Variants in VPS13C observed in about 807,000 individuals in gnomAD.
VPS13C encodes intermembrane lipid transfer protein VPS13C.
VPS13C carries 358 observed loss-of-function variants against 456.8 expected under a neutral mutation model. That is an observed-to-expected ratio of 0.78 (90% CI 0.72 to 0.86). The LOEUF (loss-of-function observed/expected upper bound fraction) is 0.86, where lower values mean the gene tolerates loss of function less well. Ranked by LOEUF, VPS13C falls within the 40% of genes least tolerant of loss-of-function variation. VPS13C has a pLI of 0.00. For missense variants in VPS13C, 4,818 were observed against 4,385.4 expected (o/e 1.10, Z -2.79); for synonymous variants, 1,578 against 1,486.7 (o/e 1.06, Z -1.41).
rs200187332 is a variant in VPS13C, at chr15:61,911,802, A to G, written c.8715+38T>C. ...TATTTAGATGTCAATATTTATTTGT[A>G]TATTTTAGGAATCAGTTGTAACAAA... is the stretch of plus-strand genomic sequence containing the variant. On this transcript the variant is annotated intron_variant, in intron 63 of 84. Transcript: ENST00000644861. 4.1e-3 allele frequency: 6,128 copies of G among 1,502,588 alleles called. 20 individuals are homozygous for G. Among genetic ancestry groups the G allele is most frequent in the Non-Finnish European group, 4.9e-3 (5,448 of 1,118,308 alleles). The allele number at this position is 1,502,588 out of a possible 1,614,324, so 93.1% of individuals were successfully genotyped here. A position where few individuals can be genotyped will look rare whatever the true frequency, so the allele number is the denominator to read the frequency against.
chr15:61,970,571 G>C (rs28720854), intron 27 of VPS13C, among the ~76,000 whole-genome samples: 8,666 of 152,142 alleles, frequency 0.057, 474 homozygotes, highest in African/African-American at 0.13. Flanking sequence ...CAAGGCAGGC[G>C]GATCACTTGA....
chr15:61,863,302 A>G (rs1894325510), intron 82 of VPS13C, 138 bp downstream of exon 82: 2 of 615,344 alleles, frequency 3.3e-6, no homozygotes, highest in Non-Finnish European at 2.8e-6. Flanking sequence ...TTGTGATTCT[A>G]TGAAAATGAA....
chr15:61,957,126 A>G (rs1056278315), intron 37 of VPS13C, among the ~76,000 whole-genome samples: 5 of 152,184 alleles, frequency 3.3e-5, no homozygotes, highest in African/African-American at 1.2e-4. Context: ...AAATAAAAAG[A>G]ACAAACTACT....
chr15:61,971,771 G>C (rs2045563952), intron 27 of VPS13C, among the ~76,000 whole-genome samples: 1 of 152,178 alleles, frequency 6.6e-6, no homozygotes, highest in Non-Finnish European at 1.5e-5. Flanking sequence ...ATGTAGTATG[G>C]AGAAAGAGAG....
At position 61,874,001 on chromosome 15, in the gene VPS13C, A is replaced by T. The variant is rs141810037; in HGVS notation, c.10415-592T>A. Among the ~76,000 whole-genome samples the T allele has an allele frequency of 3.9e-3, 595 of 151,248 alleles. 4 individuals are homozygous for T. Among genetic ancestry groups the T allele is most frequent in the African/African-American group, 0.014 (560 of 41,254 alleles). ...ACAAACAGAATACTACTCAGGCATT[A>T]AAAAAAATGAAAACCGGTCATTCAC... On this transcript the variant is annotated intron_variant, in intron 77 of 84. Transcript: ENST00000644861.
At chr15:61,916,151 G>T in intron 60 of VPS13C, 129 bp from the exon 61 acceptor site, 1 of 1,072,066 alleles carries the variant, frequency 9.3e-7, no homozygotes, top group Non-Finnish European at 1.3e-6. Flanking sequence ...GAAGTACCAT[G>T]CTTACATATT....
Position 61,951,883 on chromosome 15 carries a change from T to C in VPS13C, c.4397A>G (p.Tyr1466Cys), listed in dbSNP as rs2044808201. Residue 1466 changes from tyrosine to cysteine, a missense_variant, in exon 39 of 85, where the codon TAT becomes TGT. Transcript: ENST00000644861. ...TAGATAAGCTTTAGCAGTCATGTCATAGGTTTTAACTTTAGCTTCCATTCC... is the reference window on the plus strand; with the variant it reads ...TAGATAAGCTTTAGCAGTCATGTCACAGGTTTTAACTTTAGCTTCCATTCC... ...QLGMEAKVKT[Y>C]DMTAKAYLKK... 2 of 1,613,914 alleles carry C rather than the reference T, an allele frequency of 1.2e-6. No individual in the cohort carries two copies. The highest frequency in any genetic ancestry group is 1.3e-5 in the African/African-American group (1 of 75,050).
At chr15:61,868,634 C>G (rs372498084) in intron 81 of VPS13C, 25 bp downstream of exon 81, 2 of 1,598,484 alleles carry the variant, frequency 1.3e-6, no homozygotes, top group African/African-American at 2.7e-5. Context: ...CCATTTCACT[C>G]GTGACCATGA....
rs754374684 is a variant in VPS13C at position 61,915,651 on chromosome 15, G to A, written c.8427C>T (p.Asn2809=). 6.3e-7 allele frequency: 1 copy of A among 1,595,680 alleles called. No homozygotes were observed. The highest frequency in any genetic ancestry group is 1.4e-5 in the African/African-American group (1 of 73,756). Residue 2809 remains asparagine (N), a synonymous_variant, in exon 61 of 85, where the codon AAC becomes AAT. Coordinates refer to ENST00000644861, the MANE Select transcript of VPS13C (RefSeq NM_020821.3). The part of the protein sequence containing the change: ...DIILFSFKKK[N]IFTKNKVQLK... ...ACCACACCTTATTTTTAGTAAAAATGTTCTTCTTCTTGAAAGAAAATAAAA... is the reference window on the plus strand; with the variant it reads ...ACCACACCTTATTTTTAGTAAAAATATTCTTCTTCTTGAAAGAAAATAAAA...
chr15:61,873,959 T>TACACACAC (rs67985179), intron 77 of VPS13C, among the ~76,000 whole-genome samples: 244 of 149,844 alleles, frequency 1.6e-3, no homozygotes, highest in African/African-American at 5.5e-3. Context: ...GAAAATGTGA[T>TACACACAC]ACACACACAC....
chr15:61,960,266 G>A (rs907946801), intron 35 of VPS13C, among the ~76,000 whole-genome samples: 5 of 152,142 alleles, frequency 3.3e-5, no homozygotes, highest in Non-Finnish European at 4.4e-5. Flanking sequence ...CAAAACTACA[G>A]TAGTAGTCAT....
chr15:62,016,856 C>T (rs575515938), intron 9 of VPS13C, among the ~76,000 whole-genome samples: 1 of 152,148 alleles, frequency 6.6e-6, no homozygotes, highest in African/African-American at 2.4e-5. Flanking sequence ...CACTGTCTTC[C>T]ACAATGGTTG....
At chr15:62,037,343 ATATAT>A (rs1224783579) in intron 3 of VPS13C, among the ~76,000 whole-genome samples, 15 of 83,796 alleles carry the variant, frequency 1.8e-4, no homozygotes, top group African/African-American at 5.7e-4. Context: ...TTTATATATA[ATATAT>A]TATATATAAA....
chr15:61,935,371 G>A (rs569319933), intron 48 of VPS13C: 4 of 152,270 alleles, frequency 2.6e-5, no homozygotes, highest in Admixed American at 1.3e-4. Flanking sequence ...CAAATACTGC[G>A]TAACTTTAAC....
chr15:61,990,694 C>A (rs2046197903), intron 18 of VPS13C, among the ~76,000 whole-genome samples: 1 of 151,930 alleles, frequency 6.6e-6, no homozygotes, highest in African/African-American at 2.4e-5. Flanking sequence ...GCCTGTAATC[C>A]CAGCTACTCA....
At position 61,967,589 on chromosome 15, in the gene VPS13C, C is replaced by A. The variant is rs568511744; in HGVS notation, c.2912-142G>T. 3 of 625,082 alleles carry A rather than the reference C, an allele frequency of 4.8e-6. No homozygotes were observed. In the Admixed American group the frequency reaches 1.0e-4, roughly 21 times the overall value. 38.7% of individuals were successfully genotyped at this position (625,082 alleles called of 1,614,324 possible). On this transcript the variant is annotated intron_variant, in intron 28 of 84. Coordinates refer to ENST00000644861, the MANE Select transcript of VPS13C (RefSeq NM_020821.3). ...TTGTCATAGCTATTAAATACAAAGG[C>A]CATCACTGTTGAAGAAATTAACCAA...
chr15:62,007,518 A>C, intron 14 of VPS13C, 39 bp from the exon 15 acceptor site: 1 of 1,474,966 alleles, frequency 6.8e-7, no homozygotes, highest in African/African-American at 1.4e-5. Context: ...GTTAATATAA[A>C]GGTTTAAGAG....
chr15:61,993,684 T>C (rs1018805441), intron 16 of VPS13C, among the ~76,000 whole-genome samples: 6 of 152,030 alleles, frequency 3.9e-5, no homozygotes, highest in African/African-American at 9.7e-5. Context: ...ATTTCAAACA[T>C]AGAAAGGCTA....
chr15:62,002,884 T>C (rs1246342933), intron 15 of VPS13C, among the ~76,000 whole-genome samples: 1 of 152,218 alleles, frequency 6.6e-6, no homozygotes. Context: ...TCTATATCTC[T>C]ATTTTGGTAC....
Sources: allele counts gnomAD v4.1 joint callset (sites outside exome capture counted in the v4.1 genomes callset), GRCh38; gene constraint gnomAD v4.1.1; transcripts MANE v1.5; gene names NCBI Gene and HGNC (gene_info 2026-07-23, HGNC 2026-07-21).